The following CTNNA2 variants were observed in gnomAD, a reference collection of about 807,000 sequenced individuals.
CTNNA2 encodes catenin alpha 2.
Under a neutral mutation model 101.0 loss-of-function variants are expected in CTNNA2, and 42 were observed. The observed-to-expected ratio is 0.42, with a 90% confidence interval of 0.32 to 0.54. The LOEUF (loss-of-function observed/expected upper bound fraction) is 0.54. Among genes scored for constraint, CTNNA2 ranks in the 20% least tolerant of loss-of-function variants. The probability of loss-of-function intolerance (pLI) is 0.14; values close to 1 mark genes in which losing one functional copy is unlikely to be tolerated. For synonymous variants in CTNNA2, 450 were observed against 456.4 expected, an observed-to-expected ratio of 0.99 and a Z score of 0.18; for missense variants, 871 against 1,223.1, an observed-to-expected ratio of 0.71 and a Z score of 4.29.
chr2:80,435,068 TTAG>T, intron 9 of CTNNA2, among the ~76,000 whole-genome samples: 1 of 152,310 alleles, frequency 6.6e-6, no homozygotes, highest in Admixed American at 6.5e-5. Flanking sequence ...TATAGGATGT[TTAG>T]TAGCATCTCT....
At chr2:79,631,453 C>G (rs1448199820) in intron 1 of CTNNA2, among the ~76,000 whole-genome samples, 2 of 152,120 alleles carry the variant, frequency 1.3e-5, no homozygotes, top group African/African-American at 4.8e-5. Flanking sequence ...ATAGCAGTAC[C>G]TTAGTATTTA....
At chr2:79,922,354 T>C (rs1395210532) in intron 7 of CTNNA2, among the ~76,000 whole-genome samples, 1 of 152,142 alleles carries the variant, frequency 6.6e-6, no homozygotes, top group Non-Finnish European at 1.5e-5. Flanking sequence ...CACACTTGGG[T>C]GTTAGGAGGG....
intron 7 of CTNNA2, among the ~76,000 whole-genome samples, chr2:80,296,819 A>G (rs1385445809): frequency 6.6e-6 from 1 of 152,122 alleles, no homozygotes; most frequent in Admixed American, 6.5e-5. Context: ...CAGTAGCACC[A>G]TCTCACCCAT....
At chr2:80,034,350 T>C (rs1695508240) in intron 7 of CTNNA2, among the ~76,000 whole-genome samples, 1 of 90,778 alleles carries the variant, frequency 1.1e-5, no homozygotes, top group African/African-American at 3.4e-5. Flanking sequence ...TTTCATTTTT[T>C]TTTCTTTTTT....
chr2:80,547,249 C>T (rs955362864), intron 11 of CTNNA2, among the ~76,000 whole-genome samples: 1 of 152,138 alleles, frequency 6.6e-6, no homozygotes, highest in Non-Finnish European at 1.5e-5. Flanking sequence ...CAAGCCAAGG[C>T]AGATGGGAAC....
intron 1 of CTNNA2, among the ~76,000 whole-genome samples, chr2:79,635,224 A>G (rs1679943155): frequency 6.6e-6 from 1 of 152,030 alleles, no homozygotes; most frequent in South Asian, 2.1e-4. Flanking sequence ...AAGGAAAGGA[A>G]TTCGAGACCA....
At chr2:79,430,436 C>T (rs1324265891) in intron 4 of CTNNA2, among the ~76,000 whole-genome samples, 1 of 152,010 alleles carries the variant, frequency 6.6e-6, no homozygotes, top group Admixed American at 6.6e-5. Flanking sequence ...GAAGCGCTGG[C>T]CTTAAGAGCA....
intron 9 of CTNNA2, among the ~76,000 whole-genome samples, chr2:80,517,902 G>A (rs1479524459): frequency 1.3e-5 from 2 of 152,090 alleles, no homozygotes; most frequent in Non-Finnish European, 2.9e-5. Flanking sequence ...TGAAAACATT[G>A]GCTTGTCAGT....
At chr2:80,094,404 C>T (rs971326570) in intron 7 of CTNNA2, among the ~76,000 whole-genome samples, 8 of 152,086 alleles carry the variant, frequency 5.3e-5, no homozygotes, top group Middle Eastern at 3.4e-3. Flanking sequence ...TTTTGGTTAC[C>T]GTGGCCTTAT....
chr2:79,633,914 T>A (rs1679852883), intron 1 of CTNNA2: 2 of 152,202 alleles, frequency 1.3e-5, no homozygotes, highest in Admixed American at 1.3e-4. Context: ...TTAAGGAACC[T>A]CTCAAATAAG....
chr2:80,414,251 G>T (rs555925269), intron 8 of CTNNA2, among the ~76,000 whole-genome samples: 32 of 152,216 alleles, frequency 2.1e-4, no homozygotes, highest in Non-Finnish European at 3.7e-4. Flanking sequence ...TGCAGCACTT[G>T]ATTAATCATG....
intron 1 of CTNNA2, among the ~76,000 whole-genome samples, chr2:79,537,141 A>C (rs1382047876): frequency 6.6e-6 from 1 of 152,080 alleles, no homozygotes; most frequent in East Asian, 1.9e-4. Context: ...CCCCCATTGA[A>C]GGACGTTCTG....
chr2:79,265,296 A>C (rs898088046), intron 2 of CTNNA2, among the ~76,000 whole-genome samples: 3 of 152,264 alleles, frequency 2.0e-5, no homozygotes, highest in Admixed American at 1.3e-4. Context: ...AACATCATAC[A>C]TTTCTACCCT....
chr2:80,250,703 A>T (rs1006111266), intron 7 of CTNNA2, among the ~76,000 whole-genome samples: 1 of 152,114 alleles, frequency 6.6e-6, no homozygotes, highest in Non-Finnish European at 1.5e-5. Context: ...GTGGCTGAGG[A>T]GAAAATAAAA....
intron 7 of CTNNA2, among the ~76,000 whole-genome samples, chr2:80,110,750 G>A (rs1240408693): frequency 6.6e-6 from 1 of 152,202 alleles, no homozygotes; most frequent in East Asian, 1.9e-4. Flanking sequence ...TGGCACCACT[G>A]TAGTAGCATG....
At chr2:79,912,750 G>A (rs774779820) in intron 7 of CTNNA2, among the ~76,000 whole-genome samples, 3 of 152,168 alleles carry the variant, frequency 2.0e-5, no homozygotes, top group South Asian at 2.1e-4. Context: ...GACTTAAAAG[G>A]ATGCGCGGCC....
At position 80,596,279 on chromosome 2, in the gene CTNNA2, G is replaced by GTTTTTTTTTTTTTTTT. The variant is rs60132060; in HGVS notation, c.2189+6827_2189+6842dup. On this transcript the variant is annotated intron_variant, in intron 15 of 18. Coordinates refer to ENST00000402739, the MANE Select transcript of CTNNA2 (RefSeq NM_001282597.3). ...AGTTTTTTTGGGCTGAGACAAGGTT[G>GTTTTTTTTTTTTTTTT]TTTTTTTTTTTTTTTTTTTTTTTTT... Among the ~76,000 whole-genome samples the GTTTTTTTTTTTTTTTT allele has an allele frequency of 7.4e-4, 26 of 35,324 alleles. 10 individuals carry two copies. Among genetic ancestry groups the GTTTTTTTTTTTTTTTT allele is most frequent in the East Asian group, 6.3e-3 (5 of 798 alleles). The allele number at this position is 35,324 out of a possible 152,430, so 23.2% of individuals were successfully genotyped here. A position where few individuals can be genotyped will look rare whatever the true frequency, so the allele number is the denominator to read the frequency against.
intron 4 of CTNNA2, among the ~76,000 whole-genome samples, chr2:79,407,335 T>A (rs552189473): frequency 6.6e-6 from 1 of 152,148 alleles, no homozygotes; most frequent in African/African-American, 2.4e-5. Flanking sequence ...ATGTAGGGGA[T>A]AATTCTGGTA....
chr2:80,153,586 C>T (rs1703832091), intron 7 of CTNNA2, among the ~76,000 whole-genome samples: 1 of 152,180 alleles, frequency 6.6e-6, no homozygotes, highest in African/African-American at 2.4e-5. Flanking sequence ...CTCACTGCTC[C>T]TTCTTTTCCT....
Sources: gnomAD v4.1 joint callset for allele counts (sites outside exome capture counted in the v4.1 genomes callset) on GRCh38, gnomAD v4.1.1 for gene constraint, MANE v1.5 for transcripts, NCBI Gene and HGNC (gene_info 2026-07-23, HGNC 2026-07-21) for gene names.